The following RAP1GAP variants were observed in gnomAD, a reference collection of about 807,000 sequenced individuals.
The protein encoded by RAP1GAP is rap1 GTPase-activating protein 1.
Under a neutral mutation model 87.2 loss-of-function variants are expected in RAP1GAP, and 35 were observed. That is an observed-to-expected ratio of 0.40 (90% CI 0.31 to 0.53). The LOEUF (loss-of-function observed/expected upper bound fraction) is 0.53, where lower values mean the gene tolerates loss of function less well. RAP1GAP is among the 20% of genes least tolerant of loss of function. The pLI, the probability that RAP1GAP is intolerant of heterozygous loss-of-function variation, is 0.48. For missense variants in RAP1GAP, 734 were observed against 898.9 expected, an observed-to-expected ratio of 0.82 and a Z score of 2.35; for synonymous variants, 375 against 363.9, an observed-to-expected ratio of 1.03 and a Z score of -0.35.
chr1:21,624,978 C>T (rs2091287375), intron 3 of RAP1GAP, among the ~76,000 whole-genome samples: 1 of 152,184 alleles, frequency 6.6e-6, no homozygotes, highest in Admixed American at 6.5e-5. Context: ...CTGGGAGCTT[C>T]ATTCATGAAC....
At chr1:21,667,897 GA>G (rs2097425747) in intron 1 of RAP1GAP, among the ~76,000 whole-genome samples, 1 of 152,168 alleles carries the variant, frequency 6.6e-6, no homozygotes, top group Admixed American at 6.5e-5. Context: ...GGCCATCAAG[GA>G]ACACGCACCC....
At chr1:21,661,747 T>C (rs2097162025) in intron 1 of RAP1GAP, among the ~76,000 whole-genome samples, 1 of 152,258 alleles carries the variant, frequency 6.6e-6, no homozygotes, top group Non-Finnish European at 1.5e-5. Context: ...ACTGGACACG[T>C]GCAAGGACAG....
chr1:21,613,072 G>T lies in RAP1GAP; in HGVS notation c.528+104C>A. The T allele has an allele frequency of 7.9e-7, 1 of 1,259,862 alleles. No homozygotes were observed. The highest frequency in any genetic ancestry group is 1.1e-6 in the Non-Finnish European group (1 of 870,518). The allele number at this position is 1,259,862 out of a possible 1,614,324, so 78.0% of individuals were successfully genotyped here. A position where few individuals can be genotyped will look rare whatever the true frequency, so the allele number is the denominator to read the frequency against. ...CAGGGTTATTGTGAGGATTAAATGA[G>T]AGAACCTTGGGAAAGTATCTGGCAC... is the stretch of plus-strand genomic sequence containing the variant. On this transcript the variant is annotated intron_variant, in intron 10 of 24. Transcript: ENST00000374765. The surrounding 1 kb of genome is among the most constrained non-coding windows in gnomAD (Gnocchi z 4.7).
chr1:21,640,570 C>G (rs1270904962), intron 2 of RAP1GAP, among the ~76,000 whole-genome samples: 1 of 152,174 alleles, frequency 6.6e-6, no homozygotes, highest in African/African-American at 2.4e-5. Flanking sequence ...TCTCAAAGAA[C>G]CTTTCCTCAG....
chr1:21,618,125 TA>T (rs977597204), intron 5 of RAP1GAP, among the ~76,000 whole-genome samples, 153 bp from the exon 6 acceptor site: 13 of 152,278 alleles, frequency 8.5e-5, no homozygotes, highest in Admixed American at 8.5e-4. Context: ...GAGGCAGGCT[TA>T]GCGTGCTGAG....
At chr1:21,664,698 G>C (rs2097280581) in intron 1 of RAP1GAP, among the ~76,000 whole-genome samples, 2 of 152,164 alleles carry the variant, frequency 1.3e-5, no homozygotes, top group South Asian at 4.1e-4. Context: ...GAAATGCGAA[G>C]TTACGGAAAA....
At position 21,622,677 on chromosome 1, in the gene RAP1GAP, G is replaced by A. The variant is rs1391000075; in HGVS notation, c.-18-2627C>T. The A allele has an allele frequency of 2.0e-5, 3 of 150,174 alleles. No homozygotes were observed. Among genetic ancestry groups the A allele is most frequent in the African/African-American group, 7.3e-5 (3 of 41,186 alleles). The allele number at this position is 150,174 out of a possible 1,614,324, so 9.3% of individuals were successfully genotyped here. ...CCGGGCGGCCCGGCCCGCGGCCCCG[G>A]GACACCGCGCCTGCGCGTTCCGGCC... On this transcript the variant is annotated intron_variant, in intron 3 of 24. Coordinates refer to ENST00000374765, the MANE Select transcript of RAP1GAP (RefSeq NM_002885.4). The surrounding 1 kb of genome is among the most constrained non-coding windows in gnomAD (Gnocchi z 5.7).
chr1:21,659,185 G>A (rs529867328), intron 1 of RAP1GAP, among the ~76,000 whole-genome samples: 3 of 152,226 alleles, frequency 2.0e-5, no homozygotes, highest in East Asian at 3.9e-4. Context: ...GATAACAGGC[G>A]TGAACCACAG....
chr1:21,617,452 G>A lies in RAP1GAP; in HGVS notation c.145C>T (p.Pro49Ser). 6.2e-7 allele frequency: 1 copy of A among 1,606,236 alleles called. No homozygotes were observed. The highest frequency in any genetic ancestry group is 8.5e-7 in the Non-Finnish European group (1 of 1,176,796). ...TCAATCCAGTAGCCCCCAAACTGGG[G>A]CAGCAGGATGAGGGGGAAGGGTCCT... ...REGPFPLILLPQFGGYWIEGT... is the reference protein window; with the variant it reads ...REGPFPLILLSQFGGYWIEGT... The change falls in exon 7 of 25, where the codon CCC (proline) becomes TCC (serine). Residue 49 changes from proline (P) to serine (S), a missense_variant. Around this residue, in one of 2 missense-constraint regions of RAP1GAP, gnomAD observed 485 missense variants for 646.2 expected, o/e 0.75. Coordinates refer to ENST00000374765, the MANE Select transcript of RAP1GAP (RefSeq NM_002885.4).
At chr1:21,643,627 G>A (rs1211385213) in intron 2 of RAP1GAP, among the ~76,000 whole-genome samples, 1 of 151,788 alleles carries the variant, frequency 6.6e-6, no homozygotes, top group East Asian at 1.9e-4. Context: ...CACCCCCTGT[G>A]GCCACGACAG....
chr1:21,645,744 C>T (rs1224666790), intron 2 of RAP1GAP, among the ~76,000 whole-genome samples: 1 of 152,210 alleles, frequency 6.6e-6, no homozygotes, highest in East Asian at 1.9e-4. Flanking sequence ...CGGGGGCCTG[C>T]CCACCAGATG....
Position 21,608,225 on chromosome 1 carries a change from A to C in RAP1GAP, c.1284T>G (p.Phe428Leu), listed in dbSNP as rs1384129415. 2 of 1,613,942 alleles carry C rather than the reference A, an allele frequency of 1.2e-6. No individual in the cohort carries two copies. Among genetic ancestry groups the C allele is most frequent in the Non-Finnish European group, 8.5e-7 (1 of 1,179,910 alleles). Reference protein sequence around the residue: ...MENGSGGGGFFESFKRVIRSR... With the variant: ...MENGSGGGGFLESFKRVIRSR... ...TGGGGCCCTTCACCTTGAAAGACTC[A>C]AAGAAGCCGCCGCCCCCACTGCCAT... The change falls in exon 17 of 25, where the codon TTT (phenylalanine) becomes TTG (leucine). Residue 428 changes from phenylalanine (F) to leucine (L), a missense_variant. Phe to Leu is a conservative substitution (Grantham distance 22). Transcript: ENST00000374765.
intron 2 of RAP1GAP, among the ~76,000 whole-genome samples, chr1:21,629,882 C>T (rs1381925368): frequency 6.6e-6 from 1 of 152,186 alleles, no homozygotes; most frequent in Non-Finnish European, 1.5e-5. Context: ...GACTTCAGAG[C>T]CCAAGATCTG....
rs1379461711 is a variant in RAP1GAP at position 21,644,855 on chromosome 1, C to T, written c.-113+4906G>A. On this transcript the variant is annotated intron_variant, in intron 2 of 24. Coordinates refer to ENST00000374765, the MANE Select transcript of RAP1GAP (RefSeq NM_002885.4). ...GGTGGAGGTTGCAGTGAACCGAGATCGCGCCACTGCACCCCAGCCTGGGTA... is the reference window on the plus strand; with the variant it reads ...GGTGGAGGTTGCAGTGAACCGAGATTGCGCCACTGCACCCCAGCCTGGGTA... Among the ~76,000 whole-genome samples the T allele has an allele frequency of 2.7e-5, 4 of 146,210 alleles. No individual in the cohort carries two copies. The South Asian group carries it at 8.7e-4, about 32-fold the overall frequency.
chr1:21,610,392 C>T (rs911424218), intron 13 of RAP1GAP, 117 bp from the exon 14 acceptor site: 2 of 1,105,458 alleles, frequency 1.8e-6, no homozygotes, highest in Non-Finnish European at 2.6e-6. Context: ...TAAGGATTTG[C>T]TTTCCCCAAA....
chr1:21,614,017 C>G lies in RAP1GAP; in HGVS notation c.364G>C (p.Gly122Arg), dbSNP rs762463366. Residue 122 changes from glycine (G) to arginine (R), a missense_variant, in exon 8 of 25, where the codon GGG (glycine) becomes CGG (arginine). This residue lies in a region of RAP1GAP where 485 missense variants were observed against 646.2 expected (regional missense o/e 0.75). Coordinates refer to ENST00000374765, the MANE Select transcript of RAP1GAP (RefSeq NM_002885.4). ...AGCAGCCGCAGGTGCTCTTGGTCCC[C>G]GATGACATCGTACTTGAGTGAGAAG... Reference protein sequence around the residue: ...LVFSLKYDVIGDQEHLRLLLR... With the variant: ...LVFSLKYDVIRDQEHLRLLLR... 1 of 1,612,446 alleles carries G rather than the reference C, an allele frequency of 6.2e-7. No individual in the cohort carries two copies. Among genetic ancestry groups the G allele is most frequent in the Non-Finnish European group, 8.5e-7 (1 of 1,179,060 alleles).
chr1:21,648,639 C>A (rs946753616), intron 2 of RAP1GAP, among the ~76,000 whole-genome samples: 1 of 152,194 alleles, frequency 6.6e-6, no homozygotes, highest in African/African-American at 2.4e-5. Context: ...TATTACTGAA[C>A]TCCCTGAAGG....
intron 2 of RAP1GAP, among the ~76,000 whole-genome samples, chr1:21,646,941 C>T (rs766122381): frequency 4.6e-5 from 7 of 152,302 alleles, no homozygotes; most frequent in Middle Eastern, 6.8e-3. Context: ...CTGGCCTCTA[C>T]CAGGACTCAC....
intron 7 of RAP1GAP, among the ~76,000 whole-genome samples, chr1:21,616,089 T>C (rs778386091): frequency 1.5e-4 from 23 of 149,732 alleles, no homozygotes; most frequent in Non-Finnish European, 3.1e-4. Context: ...AGGCCCAGAC[T>C]GAGGTCACAC....
Sources: allele counts gnomAD v4.1 joint callset (sites outside exome capture counted in the v4.1 genomes callset), GRCh38; gene constraint gnomAD v4.1.1; regional missense constraint gnomAD v4.1.1; non-coding constraint Gnocchi (gnomAD v3.1); transcripts MANE v1.5; gene names NCBI Gene and HGNC (gene_info 2026-07-23, HGNC 2026-07-21).